Variants in SLC24A2 observed in about 807,000 individuals in gnomAD.
SLC24A2 encodes the protein sodium/potassium/calcium exchanger 2.
In SLC24A2, 36 loss-of-function variants were observed where a neutral mutation model predicts 62.0. That is an observed-to-expected ratio of 0.58 (90% CI 0.44 to 0.77). The LOEUF (loss-of-function observed/expected upper bound fraction) is 0.77, where lower values mean the gene tolerates loss of function less well. SLC24A2 is among the 30% of genes least tolerant of loss of function. SLC24A2 has a pLI of 0.00. For missense variants in SLC24A2, 846 were observed against 817.9 expected (o/e 1.03, Z -0.42); for synonymous variants, 358 against 294.0 (o/e 1.22, Z -2.23).
chr9:20,205,376 C>T, the SLC24A2 span, among the ~76,000 whole-genome samples: 4 of 151,958 alleles, frequency 2.6e-5, no homozygotes, highest in Non-Finnish European at 5.9e-5. Context: ...AGGCCGGGCG[C>T]AATGGTTTAC....
At chr9:19,522,183 T>C (rs1205045795) in intron 9 of SLC24A2, among the ~76,000 whole-genome samples, 1 of 152,104 alleles carries the variant, frequency 6.6e-6, no homozygotes, top group Non-Finnish European at 1.5e-5. Context: ...TAGTTTTTTT[T>C]AGAGATGGTT....
chr9:19,800,727 C>T, the SLC24A2 span, among the ~76,000 whole-genome samples: 1 of 152,116 alleles, frequency 6.6e-6, no homozygotes, highest in African/African-American at 2.4e-5. Flanking sequence ...AGCAATTCCC[C>T]TATTACCCTA....
At chr9:20,083,438 G>A in the SLC24A2 span, among the ~76,000 whole-genome samples, 1 of 152,206 alleles carries the variant, frequency 6.6e-6, no homozygotes, top group South Asian at 2.1e-4. Flanking sequence ...GAGAGGTGAG[G>A]CAGAATGCCA....
chr9:19,660,897 C>T (rs932704382), intron 2 of SLC24A2, among the ~76,000 whole-genome samples: 18 of 152,112 alleles, frequency 1.2e-4, no homozygotes, highest in African/African-American at 3.4e-4. Flanking sequence ...GAAGCTGAGG[C>T]TTGGAGAGGT....
At chr9:19,881,681 TC>T in the SLC24A2 span, among the ~76,000 whole-genome samples, 14 of 152,222 alleles carry the variant, frequency 9.2e-5, no homozygotes, top group South Asian at 4.1e-4. Context: ...TTGCCAGTAC[TC>T]TTTTAGTAGT....
chr9:20,017,438 G>C, the SLC24A2 span, among the ~76,000 whole-genome samples: 1 of 152,128 alleles, frequency 6.6e-6, no homozygotes, highest in South Asian at 2.1e-4. Flanking sequence ...AACAAAACAA[G>C]CACATTAGAA....
chr9:20,106,281 C>T, the SLC24A2 span, among the ~76,000 whole-genome samples: 37 of 152,136 alleles, frequency 2.4e-4, no homozygotes, highest in South Asian at 1.7e-3. Flanking sequence ...AAGGAGGAGC[C>T]AGTACCATTC....
chr9:19,772,071 G>A (rs1037752062), intron 2 of SLC24A2, among the ~76,000 whole-genome samples: 22 of 152,164 alleles, frequency 1.4e-4, no homozygotes, highest in African/African-American at 5.3e-4. Flanking sequence ...CAAGAAGTAG[G>A]GAAGATTTTA....
the SLC24A2 span, among the ~76,000 whole-genome samples, chr9:20,228,916 T>G: frequency 6.6e-6 from 1 of 152,010 alleles, no homozygotes; most frequent in African/African-American, 2.4e-5. Context: ...AGGATGCAGA[T>G]TCTTCTAGGA....
the SLC24A2 span, among the ~76,000 whole-genome samples, chr9:20,023,914 C>G: frequency 6.6e-6 from 1 of 152,118 alleles, no homozygotes; most frequent in Admixed American, 6.5e-5. Flanking sequence ...TGTGGACATC[C>G]TAGAGTGAGG....
the SLC24A2 span, among the ~76,000 whole-genome samples, chr9:20,068,678 G>A: frequency 6.6e-6 from 1 of 152,066 alleles, no homozygotes; most frequent in East Asian, 1.9e-4. Flanking sequence ...TGGGGGTGCT[G>A]GATGATGTCT....
intron 8 of SLC24A2, among the ~76,000 whole-genome samples, chr9:19,542,976 T>C (rs1000699203): frequency 5.9e-5 from 9 of 152,206 alleles, no homozygotes; most frequent in African/African-American, 2.2e-4. Context: ...GGATCCCCTC[T>C]TTTTCTATTG....
chr9:19,955,790 AC>A, the SLC24A2 span, among the ~76,000 whole-genome samples: 2 of 152,194 alleles, frequency 1.3e-5, no homozygotes, highest in African/African-American at 4.8e-5. Context: ...AATCAGGATA[AC>A]ACTAGTTTCA....
chr9:19,517,158 G>A (rs1364918076), intron 10 of SLC24A2, among the ~76,000 whole-genome samples: 1 of 152,180 alleles, frequency 6.6e-6, no homozygotes, highest in East Asian at 1.9e-4. Context: ...CCTCAGGAGA[G>A]CTAGTTTCCA....
At chr9:20,012,866 T>C in the SLC24A2 span, among the ~76,000 whole-genome samples, 1 of 152,060 alleles carries the variant, frequency 6.6e-6, no homozygotes, top group Non-Finnish European at 1.5e-5. Context: ...ACTTGTATGT[T>C]GAAAACTATA....
chr9:19,758,504 T>C (rs1016537938), intron 2 of SLC24A2, among the ~76,000 whole-genome samples: 2 of 152,336 alleles, frequency 1.3e-5, no homozygotes, highest in African/African-American at 4.8e-5. Flanking sequence ...GAACTTTCCT[T>C]ATTTATTTTC....
the SLC24A2 span, among the ~76,000 whole-genome samples, chr9:20,107,868 T>C: frequency 6.6e-6 from 1 of 151,950 alleles, no homozygotes; most frequent in Non-Finnish European, 1.5e-5. Flanking sequence ...CCTAAAGAGC[T>C]TCAGCACAGC....
chr9:19,779,895 T>TA (rs11463316), intron 2 of SLC24A2, among the ~76,000 whole-genome samples: 67,457 of 151,524 alleles, frequency 0.45, 15,628 homozygotes, highest in Admixed American at 0.52. Context: ...CCGTCTCTAG[T>TA]AAAAAAAGTA....
At chr9:19,921,379 C>T in the SLC24A2 span, among the ~76,000 whole-genome samples, 3 of 151,786 alleles carry the variant, frequency 2.0e-5, no homozygotes, top group African/African-American at 7.3e-5. Context: ...AAAAATTACC[C>T]AGGCATGGTG....
Sources: gnomAD v4.1 joint callset for allele counts (sites outside exome capture counted in the v4.1 genomes callset) on GRCh38, gnomAD v4.1.1 for gene constraint, MANE v1.5 for transcripts, NCBI Gene and HGNC (gene_info 2026-07-23, HGNC 2026-07-21) for gene names.